MBNL3: variants seen among roughly 807,000 people sequenced by gnomAD.
The protein encoded by MBNL3 is muscleblind-like protein 3.
A neutral mutation model predicts 24.5 loss-of-function variants in MBNL3; 6 were observed. That is an observed-to-expected ratio of 0.25 (90% CI 0.13 to 0.48). The LOEUF (loss-of-function observed/expected upper bound fraction) is 0.48. MBNL3 is among the 20% of genes least tolerant of loss of function. MBNL3 has a pLI of 0.99. For missense variants in MBNL3, 230 were observed against 293.5 expected, an observed-to-expected ratio of 0.78 and a Z score of 1.58; for synonymous variants, 100 against 101.7, an observed-to-expected ratio of 0.98 and a Z score of 0.10.
intron 1 of MBNL3, among the ~76,000 whole-genome samples, chrX:132,444,512 G>C (rs1259723065): frequency 9.0e-6 from 1 of 111,481 alleles, no homozygotes; most frequent in Non-Finnish European, 1.9e-5. Flanking sequence ...TTCTGTTTGT[G>C]TCTTTGGATA....
chrX:132,425,105 T>TTTG (rs1044668677), intron 2 of MBNL3, among the ~76,000 whole-genome samples: 6 of 111,770 alleles, frequency 5.4e-5, no homozygotes, highest in African/African-American at 9.7e-5. Context: ...ATTTTAAGGT[T>TTTG]TTGTTGTTGT....
At chrX:132,474,679 A>G (rs1172031552) in intron 1 of MBNL3, among the ~76,000 whole-genome samples, 1 of 111,834 alleles carries the variant, frequency 8.9e-6, no homozygotes, top group Non-Finnish European at 1.9e-5. Flanking sequence ...GACATTTTCA[A>G]TATTCTCTTC....
chrX:132,403,698 G>T (rs1293682923), intron 3 of MBNL3, among the ~76,000 whole-genome samples: 4 of 111,500 alleles, frequency 3.6e-5, no homozygotes, highest in Non-Finnish European at 7.5e-5. Flanking sequence ...TTGAGACTTG[G>T]AATGGAGAGA....
intron 3 of MBNL3, among the ~76,000 whole-genome samples, chrX:132,401,874 G>A (rs938666003): frequency 1.8e-5 from 2 of 109,977 alleles, no homozygotes; most frequent in Admixed American, 9.8e-5. Context: ...CATCACCTTC[G>A]TTCCTTACTA....
At chrX:132,470,359 G>A (rs1488857880) in intron 1 of MBNL3, among the ~76,000 whole-genome samples, 2 of 110,423 alleles carry the variant, frequency 1.8e-5, no homozygotes, top group East Asian at 2.8e-4. Context: ...AATAAAGTAC[G>A]TTGAATGAAT....
intron 1 of MBNL3, among the ~76,000 whole-genome samples, chrX:132,461,767 T>C (rs1312738289): frequency 8.9e-6 from 1 of 112,029 alleles, no homozygotes; most frequent in East Asian, 2.8e-4. Flanking sequence ...CTATTTTCCT[T>C]TAGCATGAAT....
chrX:132,445,011 C>A (rs1354641224), intron 1 of MBNL3, among the ~76,000 whole-genome samples: 1 of 111,730 alleles, frequency 9.0e-6, no homozygotes. Context: ...CTCCACAAAC[C>A]AGCACATAAC....
chrX:132,380,035 T>C (rs1332620544), intron 8 of MBNL3, among the ~76,000 whole-genome samples: 2 of 112,647 alleles, frequency 1.8e-5, no homozygotes, highest in Admixed American at 9.4e-5. Flanking sequence ...TTTTGAAATA[T>C]GCAAATATTA....
At chrX:132,394,162 A>G (rs1937602433) in intron 3 of MBNL3, among the ~76,000 whole-genome samples, 1 of 111,600 alleles carries the variant, frequency 9.0e-6, no homozygotes, top group South Asian at 3.8e-4. Context: ...GCCAGGTGCC[A>G]GGAAAGATGA....
chrX:132,433,401 A>G (rs1231068294), intron 2 of MBNL3, among the ~76,000 whole-genome samples: 2 of 111,901 alleles, frequency 1.8e-5, no homozygotes, highest in Non-Finnish European at 3.8e-5. Flanking sequence ...CCTGGGAGAC[A>G]TGCAAAGAGT....
chrX:132,434,638 T>G (rs919329413), intron 2 of MBNL3, among the ~76,000 whole-genome samples: 9 of 112,081 alleles, frequency 8.0e-5, no homozygotes, highest in Non-Finnish European at 1.3e-4. Flanking sequence ...CAAAACCACA[T>G]GATCTCAGTC....
At chrX:132,401,955 T>C (rs1941012738) in intron 3 of MBNL3, among the ~76,000 whole-genome samples, 1 of 111,416 alleles carries the variant, frequency 9.0e-6, no homozygotes, top group Admixed American at 9.6e-5. Flanking sequence ...ATGAAAATGA[T>C]GTAAAAAGGT....
intron 3 of MBNL3, among the ~76,000 whole-genome samples, chrX:132,406,007 C>T (rs1267598426): frequency 3.6e-5 from 4 of 110,858 alleles, no homozygotes; most frequent in African/African-American, 1.3e-4. Flanking sequence ...TCTTAAAATG[C>T]CCCTGCTCCT....
At chrX:132,410,931 A>G (rs1467599303) in intron 2 of MBNL3, among the ~76,000 whole-genome samples, 4 of 112,276 alleles carry the variant, frequency 3.6e-5, no homozygotes, top group African/African-American at 1.3e-4. Context: ...CTTTACAAAA[A>G]TGGATAATCT....
chrX:132,412,017 C>A (rs1942801472), intron 2 of MBNL3, among the ~76,000 whole-genome samples: 1 of 111,897 alleles, frequency 8.9e-6, no homozygotes, highest in Non-Finnish European at 1.9e-5. Context: ...ATGACTGAGG[C>A]TGCCCCTGGT....
At chrX:132,407,670 C>T (rs747759635) in intron 2 of MBNL3, among the ~76,000 whole-genome samples, 33 of 111,709 alleles carry the variant, frequency 3.0e-4, no homozygotes, top group African/African-American at 1.0e-3. Flanking sequence ...TGTGCTAAAT[C>T]ACAATAATTG....
chrX:132,478,879 A>G (rs1021064894), intron 1 of MBNL3, among the ~76,000 whole-genome samples: 1 of 112,528 alleles, frequency 8.9e-6, no homozygotes, highest in Non-Finnish European at 1.9e-5. Context: ...ACTAGTTTAG[A>G]TTGTGATAAC....
At chrX:132,447,039 G>T (rs1259781136) in intron 1 of MBNL3, among the ~76,000 whole-genome samples, 2 of 111,660 alleles carry the variant, frequency 1.8e-5, no homozygotes, top group African/African-American at 6.5e-5. Context: ...TGTCAGGTTT[G>T]TCAAAGATCA....
chrX:132,413,358 A>T (rs192189220), intron 2 of MBNL3: 46 of 496,403 alleles, frequency 9.3e-5, no homozygotes, highest in South Asian at 3.8e-4. Flanking sequence ...GTGAAAAAAA[A>T]TTTTTTAGTA....
Sources: gnomAD v4.1 joint callset for allele counts (sites outside exome capture counted in the v4.1 genomes callset) on GRCh38, gnomAD v4.1.1 for gene constraint, MANE v1.5 for transcripts, NCBI Gene and HGNC (gene_info 2026-07-23, HGNC 2026-07-21) for gene names.